The following MARCHF8 variants were observed in gnomAD, a reference collection of about 807,000 sequenced individuals.
The protein encoded by MARCHF8 is membrane associated ring-CH-type finger 8, also known as E3 ubiquitin-protein ligase MARCHF8.
MARCHF8 carries 40 observed loss-of-function variants against 51.6 expected under a neutral mutation model. The observed-to-expected ratio is 0.77, with a 90% CI of 0.60 to 1.01. The LOEUF is 1.01. Ranked by LOEUF, MARCHF8 falls within the 50% of genes least tolerant of loss-of-function variation. MARCHF8 has a pLI of 0.00. For missense variants in MARCHF8, 685 were observed against 708.6 expected, an observed-to-expected ratio of 0.97 and a Z score of 0.38; for synonymous variants, 263 against 280.3, an observed-to-expected ratio of 0.94 and a Z score of 0.62.
intron 3 of MARCHF8, among the ~76,000 whole-genome samples, chr10:45,473,540 G>A (rs972890624): frequency 2.6e-5 from 4 of 152,156 alleles, no homozygotes; most frequent in African/African-American, 9.7e-5. Flanking sequence ...GCTTCCCTGG[G>A]GATAAAATAA....
intron 2 of MARCHF8, among the ~76,000 whole-genome samples, chr10:45,504,741 T>C (rs1307649971): frequency 6.6e-6 from 1 of 152,202 alleles, no homozygotes; most frequent in Non-Finnish European, 1.5e-5. Flanking sequence ...TTAAAGAGGA[T>C]ACTAATGACT....
chr10:45,536,960 T>A (rs931295913), upstream of MARCHF8, among the ~76,000 whole-genome samples: 1 of 151,834 alleles, frequency 6.6e-6, no homozygotes, highest in African/African-American at 2.4e-5. Context: ...CTATTAGATA[T>A]TACTTTAATT....
At chr10:45,516,380 G>A (rs914860810) in intron 2 of MARCHF8, among the ~76,000 whole-genome samples, 11 of 152,044 alleles carry the variant, frequency 7.2e-5, no homozygotes, top group Non-Finnish European at 1.3e-4. Context: ...CAAACTCCTG[G>A]CCTCAAGAGA....
intron 1 of MARCHF8, among the ~76,000 whole-genome samples, chr10:45,558,609 C>A (rs527927243): frequency 6.6e-6 from 1 of 152,228 alleles, no homozygotes; most frequent in Non-Finnish European, 1.5e-5. Flanking sequence ...ATCAACCAAA[C>A]GATCTTTGCA....
At chr10:45,575,482 A>G (rs2044479020) in intron 1 of MARCHF8, among the ~76,000 whole-genome samples, 1 of 152,160 alleles carries the variant, frequency 6.6e-6, no homozygotes, top group African/African-American at 2.4e-5. Context: ...CAATAATTCT[A>G]TACGACAAAT....
intron 3 of MARCHF8, among the ~76,000 whole-genome samples, chr10:45,467,282 T>C (rs1019219002): frequency 1.3e-5 from 2 of 151,990 alleles, no homozygotes; most frequent in Non-Finnish European, 2.9e-5. Flanking sequence ...TAAAGAAAAA[T>C]TTTAAAATCT....
chr10:45,592,889 T>C (rs2044697406), intron 1 of MARCHF8, among the ~76,000 whole-genome samples: 1 of 152,212 alleles, frequency 6.6e-6, no homozygotes, highest in Non-Finnish European at 1.5e-5. Flanking sequence ...TCCCACGTAA[T>C]ATTTATAGTA....
intron 2 of MARCHF8, among the ~76,000 whole-genome samples, chr10:45,495,541 T>C (rs1056561503): frequency 1.1e-4 from 17 of 152,032 alleles, no homozygotes; most frequent in Non-Finnish European, 7.4e-5. Flanking sequence ...CATACTTCCC[T>C]TATATGATTA....
rs147126303 is a variant in MARCHF8, at chr10:45,463,683, G to A, written c.556C>T (p.Leu186Phe). The change falls in exon 5 of 8, where the codon CTC (leucine) becomes TTC (phenylalanine). Residue 186 changes from leucine (L) to phenylalanine (F), a missense_variant. Transcript: ENST00000453424. ...ERTCSEGKLI[L>F]PQDTCLRTNR... Reference sequence around the variant, plus strand: ...GTTCTGAGACACGTATCTTGAGGGAGTATTAATTTCCCTTCAGAACAAGTT... The same window carrying A: ...GTTCTGAGACACGTATCTTGAGGGAATATTAATTTCCCTTCAGAACAAGTT... 6.1e-4 allele frequency: 951 copies of A among 1,550,858 alleles called. 6 individuals are homozygous for A. Among genetic ancestry groups the A allele is most frequent in the South Asian group, 3.2e-3 (272 of 84,066 alleles).
upstream of MARCHF8, among the ~76,000 whole-genome samples, chr10:45,539,955 C>G (rs1373320142): frequency 1.3e-5 from 2 of 152,124 alleles, no homozygotes; most frequent in Non-Finnish European, 2.9e-5. Context: ...ACAATTGTTT[C>G]AAGGAGAATA....
At chr10:45,581,685 T>C (rs2044556876) in intron 1 of MARCHF8, among the ~76,000 whole-genome samples, 1 of 152,128 alleles carries the variant, frequency 6.6e-6, no homozygotes, top group Non-Finnish European at 1.5e-5. Flanking sequence ...CACACCCACA[T>C]AATCAATGAC....
chr10:45,487,206 A>ACCC, intron 3 of MARCHF8, among the ~76,000 whole-genome samples: 1 of 152,142 alleles, frequency 6.6e-6, no homozygotes, highest in South Asian at 2.1e-4. Flanking sequence ...TAATTCCAAA[A>ACCC]CCCTTACAAA....
chr10:45,509,015 A>C (rs193167240), intron 2 of MARCHF8, among the ~76,000 whole-genome samples: 1 of 152,136 alleles, frequency 6.6e-6, no homozygotes, highest in Non-Finnish European at 1.5e-5. Flanking sequence ...TTTTATTCTG[A>C]TGTTTCCCTC....
rs1007928292 is a variant in MARCHF8 at position 45,456,684 on chromosome 10, G to C, written c.*1555C>G. On this transcript the variant is annotated 3_prime_UTR_variant, in exon 8 of 8. Transcript: ENST00000453424. The stretch of plus-strand genomic sequence containing the variant: ...GCAGGCTGGGTGAGAGAATGGCCTG[G>C]AAAGGAAGCATCTGCGCTACATTGT... 2.6e-5 allele frequency: 4 copies of C among 152,242 alleles called. No homozygotes were observed. Among genetic ancestry groups the C allele is most frequent in the African/African-American group, 9.6e-5 (4 of 41,462 alleles). The allele number at this position is 152,242 out of a possible 1,614,324, so 9.4% of individuals were successfully genotyped here.
At chr10:45,571,048 A>C (rs887486524) in intron 1 of MARCHF8, among the ~76,000 whole-genome samples, 7 of 152,340 alleles carry the variant, frequency 4.6e-5, no homozygotes, top group Admixed American at 1.3e-4. Flanking sequence ...CTTTTATAGA[A>C]ATTAGGCTTT....
At chr10:45,577,310 T>C (rs1371476662) in intron 1 of MARCHF8, among the ~76,000 whole-genome samples, 2 of 152,028 alleles carry the variant, frequency 1.3e-5, no homozygotes, top group Admixed American at 6.6e-5. Flanking sequence ...CACTATTTGA[T>C]AGAACAACAG....
intron 1 of MARCHF8, among the ~76,000 whole-genome samples, chr10:45,579,201 T>A (rs896738304): frequency 2.0e-5 from 3 of 152,136 alleles, no homozygotes; most frequent in Non-Finnish European, 4.4e-5. Context: ...TACATTCACA[T>A]ATATGCATAA....
intron 1 of MARCHF8, among the ~76,000 whole-genome samples, chr10:45,585,680 T>C (rs2044610888): frequency 6.6e-6 from 1 of 152,186 alleles, no homozygotes; most frequent in Admixed American, 6.5e-5. Context: ...AGATTGTTCC[T>C]AACTGGTGAT....
At chr10:45,543,655 G>A (rs1289773195) in intron 1 of MARCHF8, among the ~76,000 whole-genome samples, 3 of 151,922 alleles carry the variant, frequency 2.0e-5, no homozygotes, top group South Asian at 4.2e-4. Flanking sequence ...AAAATTAGCC[G>A]GGCACGGTGG....
Sources: allele counts gnomAD v4.1 joint callset (sites outside exome capture counted in the v4.1 genomes callset), GRCh38; gene constraint gnomAD v4.1.1; transcripts MANE v1.5; gene names NCBI Gene and HGNC (gene_info 2026-07-23, HGNC 2026-07-21).